TBC1D9: variants seen among roughly 807,000 people sequenced by gnomAD.
TBC1D9 encodes the protein TBC1 domain family member 9A.
In TBC1D9, 63 loss-of-function variants were observed where a neutral mutation model predicts 132.0. The ratio of observed to expected loss-of-function variants is 0.48; its 90% confidence interval spans 0.39 to 0.59. TBC1D9 has a LOEUF of 0.59. Ranked by LOEUF, TBC1D9 falls within the 20% of genes least tolerant of loss-of-function variation. The pLI is 0.00. For synonymous variants in TBC1D9, 610 were observed against 609.9 expected (o/e 1.00, Z 0.00); for missense variants, 1,261 against 1,592.7 (o/e 0.79, Z 3.54).
chr4:140,657,047 A>T (rs1039754225), intron 13 of TBC1D9, 50 bp downstream of exon 13: 6 of 1,596,020 alleles, frequency 3.8e-6, no homozygotes, highest in Non-Finnish European at 5.1e-6. Context: ...GCAGCAGTGG[A>T]AGTGTCGAAT....
chr4:140,666,559 C>T (rs1328254124), intron 9 of TBC1D9, among the ~76,000 whole-genome samples: 1 of 151,736 alleles, frequency 6.6e-6, no homozygotes, highest in East Asian at 1.9e-4. Context: ...AGGATGGTCT[C>T]GATCTCCTGA....
chr4:140,659,477 C>G (rs1452847479), intron 11 of TBC1D9, 111 bp downstream of exon 11: 1 of 685,876 alleles, frequency 1.5e-6, no homozygotes, highest in East Asian at 2.8e-5. Context: ...CTGGAGTAGT[C>G]TGAAACTCTT....
At chr4:140,666,428 C>T (rs941940249) in intron 9 of TBC1D9, among the ~76,000 whole-genome samples, 1 of 152,186 alleles carries the variant, frequency 6.6e-6, no homozygotes, top group Non-Finnish European at 1.5e-5. Flanking sequence ...CTCCGCCTCC[C>T]GGGTTCACGC....
At chr4:140,690,054 T>C (rs1033711379) in intron 2 of TBC1D9, among the ~76,000 whole-genome samples, 16 of 151,474 alleles carry the variant, frequency 1.1e-4, no homozygotes, top group African/African-American at 3.4e-4. Flanking sequence ...AGGATAAAGG[T>C]TTCTTTATGC....
rs765676856 is a variant in TBC1D9 at position 140,621,309 on chromosome 4, T to A, written c.*886A>T. The A allele has an allele frequency of 6.6e-6, 1 of 152,564 alleles. No individual in the cohort carries two copies. Among genetic ancestry groups the A allele is most frequent in the Non-Finnish European group, 1.5e-5 (1 of 68,020 alleles). 9.5% of individuals were successfully genotyped at this position (152,564 alleles called of 1,614,324 possible). A position where few individuals can be genotyped will look rare whatever the true frequency, so the allele number is the denominator to read the frequency against. ...ATGGTAAAGTTGACTGTTTTACTTA[T>A]GTTTTTGCAGTAAGAAGCTAAACAT... On this transcript the variant is annotated 3_prime_UTR_variant, in exon 21 of 21. Coordinates refer to ENST00000442267, the MANE Select transcript of TBC1D9 (RefSeq NM_015130.3).
At chr4:140,730,441 G>T (rs573587225) in intron 1 of TBC1D9, among the ~76,000 whole-genome samples, 1 of 152,290 alleles carries the variant, frequency 6.6e-6, no homozygotes, top group East Asian at 1.9e-4. Flanking sequence ...AACAGGACAT[G>T]GGCCGGGCAT....
chr4:140,642,670 C>T, intron 13 of TBC1D9: 1 of 677,444 alleles, frequency 1.5e-6, no homozygotes, highest in Non-Finnish European at 2.6e-6. Flanking sequence ...GGTTCCTCTC[C>T]CTGGCTTTCC....
At chr4:140,643,754 C>A in intron 13 of TBC1D9, 2 of 1,105,468 alleles carry the variant, frequency 1.8e-6, no homozygotes, top group South Asian at 1.5e-5. Flanking sequence ...ATGCTTCAGG[C>A]CCCTCCGCAA....
At chr4:140,741,806 G>C (rs1420661444) in intron 1 of TBC1D9, among the ~76,000 whole-genome samples, 2 of 152,158 alleles carry the variant, frequency 1.3e-5, no homozygotes, top group Non-Finnish European at 2.9e-5. Flanking sequence ...TAAAAATCTT[G>C]ATCTCCACAA....
chr4:140,747,996 G>A (rs1444524179), intron 1 of TBC1D9, among the ~76,000 whole-genome samples: 1 of 152,072 alleles, frequency 6.6e-6, no homozygotes, highest in East Asian at 1.9e-4. Flanking sequence ...TCACAAACTA[G>A]AAGTACAAGG....
intron 9 of TBC1D9, among the ~76,000 whole-genome samples, chr4:140,667,754 A>C (rs1245143196): frequency 6.6e-6 from 1 of 152,226 alleles, no homozygotes; most frequent in Non-Finnish European, 1.5e-5. Context: ...AGAAGGAAAG[A>C]AAAATGAAAA....
At chr4:140,665,882 C>T (rs1737434629) in intron 9 of TBC1D9, among the ~76,000 whole-genome samples, 1 of 152,062 alleles carries the variant, frequency 6.6e-6, no homozygotes, top group African/African-American at 2.4e-5. Context: ...TGGGGTCTCA[C>T]TATGTTGCCT....
intron 15 of TBC1D9, among the ~76,000 whole-genome samples, chr4:140,634,653 C>T (rs1736849040): frequency 6.6e-6 from 1 of 152,140 alleles, no homozygotes; most frequent in Non-Finnish European, 1.5e-5. Flanking sequence ...ATGAGGTTAA[C>T]CAACCAGTTA....
intron 1 of TBC1D9, among the ~76,000 whole-genome samples, chr4:140,738,887 TAC>T (rs1212074056): frequency 6.6e-6 from 1 of 152,208 alleles, no homozygotes; most frequent in Admixed American, 6.5e-5. Flanking sequence ...CCCCCTGGCA[TAC>T]AGTTATATAA....
At chr4:140,685,758 C>A (rs1300985012) in intron 3 of TBC1D9, among the ~76,000 whole-genome samples, 1 of 152,140 alleles carries the variant, frequency 6.6e-6, no homozygotes, top group Non-Finnish European at 1.5e-5. Flanking sequence ...CCCGCATGTT[C>A]TCATTCACAT....
intron 10 of TBC1D9, among the ~76,000 whole-genome samples, chr4:140,661,015 G>C (rs539507811): frequency 7.9e-5 from 12 of 152,050 alleles, no homozygotes; most frequent in Middle Eastern, 3.4e-3. Flanking sequence ...CCCGGGTTCA[G>C]GCCATTCTCC....
intron 6 of TBC1D9, among the ~76,000 whole-genome samples, chr4:140,672,827 G>A (rs1737558524): frequency 6.6e-6 from 1 of 152,056 alleles, no homozygotes; most frequent in South Asian, 2.1e-4. Context: ...ACTTAATCAA[G>A]TCTTGGTGTT....
At chr4:140,711,906 TCTG>T (rs1416672397) in intron 1 of TBC1D9, among the ~76,000 whole-genome samples, 1 of 152,196 alleles carries the variant, frequency 6.6e-6, no homozygotes, top group Non-Finnish European at 1.5e-5. Context: ...AGATGACAAT[TCTG>T]CTATTTTATG....
chr4:140,633,640 T>G (rs1449972425), intron 16 of TBC1D9, among the ~76,000 whole-genome samples: 1 of 152,200 alleles, frequency 6.6e-6, no homozygotes, highest in Non-Finnish European at 1.5e-5. Context: ...TATTTTTTTT[T>G]GTCAAATAGT....
Sources: gnomAD v4.1 joint callset for allele counts (sites outside exome capture counted in the v4.1 genomes callset) on GRCh38, gnomAD v4.1.1 for gene constraint, MANE v1.5 for transcripts, NCBI Gene and HGNC (gene_info 2026-07-23, HGNC 2026-07-21) for gene names.